Variants in KIF20B observed in about 807,000 individuals in gnomAD.
The protein encoded by KIF20B is kinesin family member 20B.
In KIF20B, 188 loss-of-function variants were observed where a neutral mutation model predicts 232.5. The ratio of observed to expected loss-of-function variants is 0.81; its 90% CI spans 0.72 to 0.91. KIF20B has a LOEUF of 0.91. Ranked by LOEUF, KIF20B falls within the 40% of genes least tolerant of loss-of-function variation. KIF20B has a pLI of 0.00. For missense variants in KIF20B, 2,154 were observed against 2,055.9 expected, an observed-to-expected ratio of 1.05 and a Z score of -0.92; for synonymous variants, 712 against 683.0, an observed-to-expected ratio of 1.04 and a Z score of -0.66.
intron 6 of KIF20B, among the ~76,000 whole-genome samples, chr10:89,713,301 C>T (rs1222623471): frequency 6.8e-6 from 1 of 146,338 alleles, no homozygotes; most frequent in African/African-American, 2.5e-5. Flanking sequence ...GTGGAGGTTA[C>T]AGTGAGCCGA....
At chr10:89,708,949 C>T (rs571430534) in intron 2 of KIF20B, among the ~76,000 whole-genome samples, 2 of 152,214 alleles carry the variant, frequency 1.3e-5, no homozygotes, top group East Asian at 1.9e-4. Flanking sequence ...CGTATAAATA[C>T]AGGAGATGGA....
intron 27 of KIF20B, among the ~76,000 whole-genome samples, chr10:89,759,365 A>G (rs1842193417): frequency 6.6e-6 from 1 of 152,068 alleles, no homozygotes; most frequent in Non-Finnish European, 1.5e-5. Flanking sequence ...GAGACTGGAA[A>G]TCCTGAAAGA....
Position 89,768,880 on chromosome 10 carries a change from A to T in KIF20B, c.5234A>T (p.Gln1745Leu), listed in dbSNP as rs1325054690. The stretch of plus-strand genomic sequence containing the variant: ...TTACAACATTCTCCCTCAATTCTTC[A>T]ATCAAAAGGTTTGCAGAAAATTAAT... ...DFLQHSPSIL[Q>L]SKAKKIIETM... Residue 1745 changes from glutamine (Q) to leucine (L), a missense_variant, in exon 31 of 33, where the codon CAA (glutamine) becomes CTA (leucine). By Grantham distance (113) the Gln-to-Leu change is moderately radical. Transcript: ENST00000371728. 2 of 1,584,520 alleles carry T rather than the reference A, an allele frequency of 1.3e-6. No homozygotes were observed. The highest frequency in any genetic ancestry group is 1.4e-5 in the African/African-American group (1 of 72,684).
chr10:89,730,518 G>A (rs544918328), intron 18 of KIF20B, among the ~76,000 whole-genome samples: 2 of 152,304 alleles, frequency 1.3e-5, no homozygotes, highest in Non-Finnish European at 1.5e-5. Flanking sequence ...AAATGATTAA[G>A]TTGAGCCTTA....
At chr10:89,741,873 C>T (rs2133134703) in intron 21 of KIF20B, among the ~76,000 whole-genome samples, 1 of 152,306 alleles carries the variant, frequency 6.6e-6, no homozygotes, top group East Asian at 1.9e-4. Context: ...ACTTAGTCAT[C>T]TCAATTATCA....
At chr10:89,756,243 T>C (rs1373156550) in intron 26 of KIF20B, among the ~76,000 whole-genome samples, 1 of 152,228 alleles carries the variant, frequency 6.6e-6, no homozygotes, top group Middle Eastern at 3.2e-3. Context: ...TTTGAAATCA[T>C]TTTATTTACA....
At chr10:89,763,330 T>C (rs774681030) in intron 29 of KIF20B, among the ~76,000 whole-genome samples, 1 of 152,134 alleles carries the variant, frequency 6.6e-6, no homozygotes, top group Non-Finnish European at 1.5e-5. Flanking sequence ...TAAAAAGCTA[T>C]GTATATTAAA....
At position 89,710,040 on chromosome 10, in the gene KIF20B, T is replaced by C. The variant is rs1234140514; in HGVS notation, c.465T>C (p.Asn155=). Residue 155 remains asparagine, a synonymous_variant, in exon 5 of 33, where the codon AAT becomes AAC. Coordinates refer to ENST00000371728, the MANE Select transcript of KIF20B (RefSeq NM_001284259.2). ...TGATTTTTACTTACGGGCTAACCAA[T>C]TCAGGAAAAACATATACATTTCAAG... ...SRLIFTYGLT[N]SGKTYTFQGT... The C allele has an allele frequency of 1.9e-6, 3 of 1,604,972 alleles. No individual in the cohort carries two copies. In the South Asian group the frequency reaches 3.3e-5, roughly 18 times the overall value.
intron 31 of KIF20B, among the ~76,000 whole-genome samples, chr10:89,769,470 G>A (rs1842426702): frequency 6.6e-6 from 1 of 151,544 alleles, no homozygotes; most frequent in Non-Finnish European, 1.5e-5. Context: ...GGTTGGACAA[G>A]TTTGCCAGTA....
chr10:89,747,127 A>G (rs1029952160), intron 23 of KIF20B, among the ~76,000 whole-genome samples: 2 of 152,238 alleles, frequency 1.3e-5, no homozygotes, highest in African/African-American at 4.8e-5. Flanking sequence ...CAAAAAACAC[A>G]TGAAAAAATG....
At chr10:89,754,726 A>C in intron 26 of KIF20B, 53 bp downstream of exon 26, 1 of 1,317,248 alleles carries the variant, frequency 7.6e-7, no homozygotes, top group East Asian at 2.6e-5. Flanking sequence ...TTGGTGTGTT[A>C]AATGTATTGC....
intron 21 of KIF20B, among the ~76,000 whole-genome samples, chr10:89,740,484 C>T (rs1841774203): frequency 6.6e-6 from 1 of 152,124 alleles, no homozygotes; most frequent in Admixed American, 6.6e-5. Context: ...ATGACTCAAT[C>T]TCCAACCCTC....
chr10:89,737,696 G>A lies in KIF20B; in HGVS notation c.2855G>A (p.Ser952Asn). 6.2e-7 allele frequency: 1 copy of A among 1,613,132 alleles called. No homozygotes were observed. The highest frequency in any genetic ancestry group is 8.5e-7 in the Non-Finnish European group (1 of 1,179,508). ...IAIAELHVQK[S>N]KNQEQEEKIM... ...ATTGCTGAATTACATGTGCAGAAAA[G>A]TAAAAATCAAGAACAGGAGGAAAAG... is the stretch of plus-strand genomic sequence containing the variant. Residue 952 changes from serine (S) to asparagine (N), a missense_variant, in exon 20 of 33, where the codon AGT becomes AAT. Physicochemically the swap from Ser to Asn is conservative, Grantham distance 46 (BLOSUM62 1). Transcript: ENST00000371728.
At chr10:89,745,732 C>T (rs548029552) in intron 22 of KIF20B, among the ~76,000 whole-genome samples, 167 bp from the exon 23 acceptor site, 23 of 152,136 alleles carry the variant, frequency 1.5e-4, no homozygotes, top group African/African-American at 4.8e-4. Flanking sequence ...CTACCCTTTT[C>T]TCCAAGATGA....
intron 15 of KIF20B, 88 bp from the exon 16 acceptor site, chr10:89,726,205 T>A: frequency 7.5e-7 from 1 of 1,328,244 alleles, no homozygotes; most frequent in Non-Finnish European, 9.7e-7. Context: ...TTTTTTGCTT[T>A]TTTAAAAACT....
In KIF20B at chr10:89,714,057, A is replaced by C; in HGVS notation, c.686A>C (p.His229Pro). 1 of 1,449,838 alleles carries C rather than the reference A, an allele frequency of 6.9e-7. No homozygotes were observed. The highest frequency in any genetic ancestry group is 9.3e-7 in the Non-Finnish European group (1 of 1,075,916). The allele number at this position is 1,449,838 out of a possible 1,614,324, so 89.8% of individuals were successfully genotyped here. ...CAATCTTTTTTTTAGGTTACTGTGC[A>C]TAATGATAGTGATGATACTCTTTAT... is the stretch of plus-strand genomic sequence containing the variant. ...LLRQIKEVTV[H>P]NDSDDTLYGS... Residue 229 changes from histidine (H) to proline (P), a missense_variant, in exon 7 of 33, where the codon CAT becomes CCT. His to Pro is a moderately conservative substitution (Grantham distance 77). Transcript: ENST00000371728.
intron 25 of KIF20B, among the ~76,000 whole-genome samples, chr10:89,753,781 C>T (rs1222932349): frequency 1.3e-5 from 2 of 151,974 alleles, no homozygotes; most frequent in Non-Finnish European, 2.9e-5. Flanking sequence ...CCAGCTCGCC[C>T]AGCTAATTTT....
chr10:89,709,192 A>G lies in KIF20B; in HGVS notation c.173A>G (p.Tyr58Cys). 1 of 1,609,048 alleles carries G rather than the reference A, an allele frequency of 6.2e-7. No individual in the cohort carries two copies. Among genetic ancestry groups the G allele is most frequent in the South Asian group, 1.1e-5 (1 of 90,206 alleles). Residue 58 changes from tyrosine (Y) to cysteine (C), a missense_variant, in exon 3 of 33, where the codon TAT (tyrosine) becomes TGT (cysteine). By Grantham distance (194) the Tyr-to-Cys change is radical. Coordinates refer to ENST00000371728, the MANE Select transcript of KIF20B (RefSeq NM_001284259.2). ...GCAAACAGTTTCGAATCTAAAGATT[A>G]TCTCCAGGTTTGTCTTCGAATAAGA... is the stretch of plus-strand genomic sequence containing the variant. Reference protein sequence around the residue: ...TEANSFESKDYLQVCLRIRPF... With the variant: ...TEANSFESKDCLQVCLRIRPF...
At chr10:89,752,813 C>T (rs761552632) in intron 25 of KIF20B, 122 bp downstream of exon 25, 14 of 610,564 alleles carry the variant, frequency 2.3e-5, no homozygotes, top group Non-Finnish European at 2.7e-5. Flanking sequence ...TAATACCTGG[C>T]AAATGTTAAT....
Sources: gnomAD v4.1 joint callset for allele counts (sites outside exome capture counted in the v4.1 genomes callset) on GRCh38, gnomAD v4.1.1 for gene constraint, MANE v1.5 for transcripts, NCBI Gene and HGNC (gene_info 2026-07-23, HGNC 2026-07-21) for gene names.